The following TACC3 variants were observed in gnomAD, a reference collection of about 807,000 sequenced individuals.
The protein encoded by TACC3 is transforming acidic coiled-coil-containing protein 3.
In TACC3, 52 loss-of-function variants were observed where a neutral mutation model predicts 86.0. That is an observed-to-expected ratio of 0.60 (90% CI 0.48 to 0.76). The LOEUF (loss-of-function observed/expected upper bound fraction) is 0.76. Ranked by LOEUF, TACC3 falls within the 30% of genes least tolerant of loss-of-function variation. The pLI, the probability that TACC3 is intolerant of heterozygous loss-of-function variation, is 0.00. For synonymous variants in TACC3, 512 were observed against 430.0 expected (o/e 1.19, Z -2.36); for missense variants, 1,120 against 1,070.4 (o/e 1.05, Z -0.65).
Position 1,744,824 on chromosome 4 carries a change from G to C in TACC3, c.2443G>C (p.Glu815Gln), listed in dbSNP as rs1718769708. Residue 815 changes from glutamate (E) to glutamine (Q), a missense_variant, in exon 15 of 16, where the codon GAG (glutamate) becomes CAG (glutamine). Coordinates refer to ENST00000313288, the MANE Select transcript of TACC3 (RefSeq NM_006342.3). ...CATCCAGTCGCTGGAGAAGACAGTG[G>C]AGCAGAAGGTGGGTGCGGGAAGCCC... is the stretch of plus-strand genomic sequence containing the variant. The part of the protein sequence containing the change: ...MRIQSLEKTV[E>Q]QKTKENEELT... 6.2e-7 allele frequency: 1 copy of C among 1,612,980 alleles called. No individual in the cohort carries two copies. Among genetic ancestry groups the C allele is most frequent in the African/African-American group, 1.3e-5 (1 of 75,082 alleles).
At chr4:1,737,478 T>C (rs964842943) in intron 9 of TACC3, 120 bp from the exon 10 acceptor site, 1 of 1,091,940 alleles carries the variant, frequency 9.2e-7, no homozygotes, top group Admixed American at 2.3e-5. Flanking sequence ...CCGCACTGTC[T>C]CGGGTCCCTC....
chr4:1,733,958 C>G lies in TACC3; in HGVS notation c.1592-1315C>G, dbSNP rs1718127838. ...GCGCCACCGCACTCCACCTGAGCAACAGAGCAAGACTCTGTCTCAAAAAAA... is the reference window on the plus strand; with the variant it reads ...GCGCCACCGCACTCCACCTGAGCAAGAGAGCAAGACTCTGTCTCAAAAAAA... On this transcript the variant is annotated intron_variant, in intron 6 of 15. Transcript: ENST00000313288. Among the ~76,000 whole-genome samples, 8 of 143,286 alleles carry G rather than the reference C, an allele frequency of 5.6e-5. No individual in the cohort carries two copies. The South Asian group carries it at 1.8e-3, about 31-fold the overall frequency. 94.0% of individuals were successfully genotyped at this position (143,286 alleles called of 152,430 possible).
chr4:1,728,222 G>T lies in TACC3; in HGVS notation c.820G>T (p.Gly274Cys), dbSNP rs771397944. Residue 274 changes from glycine (G) to cysteine (C), a missense_variant, in exon 4 of 16, where the codon GGC becomes TGC. Physicochemically the swap from Gly to Cys is radical, Grantham distance 159. Transcript: ENST00000313288. ...GCAGGGTCTGCCTGGCGAAGCCCTGGGCTGCCCTGCGGGTGTGGGCACCCC... is the reference window on the plus strand; with the variant it reads ...GCAGGGTCTGCCTGGCGAAGCCCTGTGCTGCCCTGCGGGTGTGGGCACCCC... The part of the protein sequence containing the change: ...PLQGLPGEAL[G>C]CPAGVGTPVP... The T allele has an allele frequency of 6.2e-7, 1 of 1,612,252 alleles. No homozygotes were observed. The highest frequency in any genetic ancestry group is 2.2e-5 in the East Asian group (1 of 44,848).
At chr4:1,722,160 A>G (rs1046856080) in intron 1 of TACC3, among the ~76,000 whole-genome samples, 11 of 151,958 alleles carry the variant, frequency 7.2e-5, no homozygotes, top group Admixed American at 2.0e-4. Context: ...CCAAAGCACC[A>G]GCCTGGGGCC....
Position 1,744,567 on chromosome 4 carries a change from C to T in TACC3, c.2273C>T (p.Thr758Ile), listed in dbSNP as rs1431058922. 3.7e-6 allele frequency: 6 copies of T among 1,613,170 alleles called. No homozygotes were observed. The highest frequency in any genetic ancestry group is 5.1e-6 in the Non-Finnish European group (6 of 1,180,004). ...GTGGAGGATTACCTGGCAAGGATCA[C>T]CCAGGAGGGCCAGAGGTACCAAGCC... is the stretch of plus-strand genomic sequence containing the variant. The part of the protein sequence containing the change: ...KCVEDYLARI[T>I]QEGQRYQALK... The change falls in exon 14 of 16, where the codon ACC becomes ATC. Residue 758 changes from threonine to isoleucine, a missense_variant. By Grantham distance (89) the Thr-to-Ile change is moderately conservative. Transcript: ENST00000313288.
chr4:1,743,590 A>G (rs914260750), intron 13 of TACC3, among the ~76,000 whole-genome samples: 4 of 152,036 alleles, frequency 2.6e-5, no homozygotes, highest in African/African-American at 7.2e-5. Context: ...ACCAAATGGA[A>G]ATTTCTAACA....
rs572198382 is a variant in TACC3 at position 1,730,163 on chromosome 4, C to T, written c.1386-724C>T. On this transcript the variant is annotated intron_variant, in intron 4 of 15. Coordinates refer to ENST00000313288, the MANE Select transcript of TACC3 (RefSeq NM_006342.3). The stretch of plus-strand genomic sequence containing the variant: ...ACACCATTCTCCTGCCTCAGCCTCC[C>T]GAGTAGCTGGGACTGCAGGCACCCG... Among the ~76,000 whole-genome samples the T allele has an allele frequency of 1.8e-4, 27 of 152,288 alleles. No individual in the cohort carries two copies. The South Asian group carries it at 3.9e-3, about 22-fold the overall frequency.
intron 9 of TACC3, 79 bp downstream of exon 9, chr4:1,737,407 TTCC>T: frequency 7.2e-7 from 1 of 1,397,744 alleles, no homozygotes; most frequent in Non-Finnish European, 1.0e-6. Flanking sequence ...ATATTTTCTA[TTCC>T]TGGGGGTCTG....
At chr4:1,730,749 G>A in intron 4 of TACC3, 138 bp from the exon 5 acceptor site, 1 of 1,029,944 alleles carries the variant, frequency 9.7e-7, no homozygotes, top group Non-Finnish European at 1.5e-6. Context: ...ACAGCCCCAT[G>A]CCTGGCACGC....
At chr4:1,730,226 G>C (rs1717932996) in intron 4 of TACC3, among the ~76,000 whole-genome samples, 1 of 152,142 alleles carries the variant, frequency 6.6e-6, no homozygotes, top group African/African-American at 2.4e-5. Flanking sequence ...TTTTTTAGTA[G>C]AGACGGGGTT....
intron 12 of TACC3, chr4:1,740,519 G>C (rs544026128): frequency 8.7e-6 from 3 of 344,238 alleles, no homozygotes; most frequent in South Asian, 8.3e-5. Context: ...CGCACATCCT[G>C]GAGCTCGCCA....
At chr4:1,723,161 C>T in intron 1 of TACC3, 1 of 513,328 alleles carries the variant, frequency 1.9e-6, no homozygotes, top group Non-Finnish European at 3.5e-6. Flanking sequence ...CCTGAAGGCC[C>T]TTTAGCTCTT....
upstream of TACC3, chr4:1,721,489 G>T (rs1717353083): frequency 6.6e-6 from 1 of 151,964 alleles, no homozygotes; most frequent in Non-Finnish European, 1.5e-5. Context: ...GGCAACCGTC[G>T]GCGTTTGAAA....
intron 10 of TACC3, 83 bp downstream of exon 10, chr4:1,737,785 C>G: frequency 8.0e-7 from 1 of 1,249,610 alleles, no homozygotes; most frequent in Non-Finnish European, 1.1e-6. Context: ...GTCCAACAGC[C>G]TGACCCGCCA....
chr4:1,722,247 T>C (rs1247962745), intron 1 of TACC3, among the ~76,000 whole-genome samples: 8 of 152,210 alleles, frequency 5.3e-5, no homozygotes, highest in African/African-American at 1.9e-4. Context: ...CTGGGTCTGC[T>C]GCTCTCCCGA....
chr4:1,739,030 C>T (rs1031687317), intron 10 of TACC3, among the ~76,000 whole-genome samples: 14 of 152,106 alleles, frequency 9.2e-5, no homozygotes, highest in African/African-American at 2.7e-4. Flanking sequence ...GAGATCTGGC[C>T]GGGTGCAGTG....
upstream of TACC3, chr4:1,720,784 G>A (rs1401984537): frequency 1.3e-6 from 2 of 1,595,396 alleles, no homozygotes; most frequent in Admixed American, 3.4e-5. The surrounding 1 kb of genome is among the most constrained non-coding windows in gnomAD (Gnocchi z 4.4). Flanking sequence ...TGAACACGAA[G>A]CACACGGCGA....
chr4:1,723,709 C>G lies in TACC3; in HGVS notation c.163-19C>G. ...GCTTGAACTAATGAATAGGTGCTCT[C>G]CTCCTCACTCCGCAACAGGTGACTT... On this transcript the variant is annotated intron_variant, in intron 2 of 15. Transcript: ENST00000313288. 1 of 1,613,554 alleles carries G rather than the reference C, an allele frequency of 6.2e-7. No homozygotes were observed. The highest frequency in any genetic ancestry group is 8.5e-7 in the Non-Finnish European group (1 of 1,179,970).
At chr4:1,731,928 C>G (rs1718024672) in intron 6 of TACC3, among the ~76,000 whole-genome samples, 1 of 152,274 alleles carries the variant, frequency 6.6e-6, no homozygotes, top group Non-Finnish European at 1.5e-5. Context: ...GCCCCCGCGC[C>G]CGGCCCAGAA....
Sources: gnomAD v4.1 joint callset for allele counts (sites outside exome capture counted in the v4.1 genomes callset) on GRCh38, gnomAD v4.1.1 for gene constraint, Gnocchi (gnomAD v3.1) non-coding constraint, MANE v1.5 for transcripts, NCBI Gene and HGNC (gene_info 2026-07-23, HGNC 2026-07-21) for gene names.